TBC1D19: variants seen among roughly 807,000 people sequenced by gnomAD.
TBC1D19 encodes the protein TBC1 domain family member 19.
TBC1D19 carries 60 observed loss-of-function variants against 89.0 expected under a neutral mutation model. That is an observed-to-expected ratio of 0.67 (90% CI 0.55 to 0.84). The LOEUF (loss-of-function observed/expected upper bound fraction) is 0.84. Ranked by LOEUF, TBC1D19 falls within the 40% of genes least tolerant of loss-of-function variation. The pLI is 0.00. For synonymous variants in TBC1D19, 189 were observed against 199.7 expected (o/e 0.95, Z 0.45); for missense variants, 500 against 610.8 (o/e 0.82, Z 1.91).
At chr4:26,671,044 T>G (rs1024050722) in intron 9 of TBC1D19, among the ~76,000 whole-genome samples, 31 of 151,478 alleles carry the variant, frequency 2.0e-4, no homozygotes, top group African/African-American at 7.0e-4. Flanking sequence ...ATGTATGCAT[T>G]AGGGTTTATA....
chr4:26,819,143 C>T, the TBC1D19 span, among the ~76,000 whole-genome samples: 33 of 152,218 alleles, frequency 2.2e-4, no homozygotes, highest in Non-Finnish European at 3.7e-4. Flanking sequence ...CTAACTGGTT[C>T]CTAAAACAAA....
intron 15 of TBC1D19, among the ~76,000 whole-genome samples, chr4:26,722,830 T>C (rs1056926325): frequency 1.3e-5 from 2 of 152,188 alleles, no homozygotes; most frequent in Non-Finnish European, 1.5e-5. Context: ...AGGAAGGTAC[T>C]AATATTATCC....
chr4:26,822,972 G>A, the TBC1D19 span, among the ~76,000 whole-genome samples: 1 of 152,120 alleles, frequency 6.6e-6, no homozygotes, highest in Non-Finnish European at 1.5e-5. Flanking sequence ...GACTGACCCT[G>A]CCCAGGAGTA....
intron 13 of TBC1D19, among the ~76,000 whole-genome samples, chr4:26,715,379 G>A (rs1469667266): frequency 2.0e-5 from 3 of 151,970 alleles, no homozygotes; most frequent in Non-Finnish European, 2.9e-5. Flanking sequence ...TGGCCCTGCC[G>A]TCACAGTGTA....
intron 1 of TBC1D19, among the ~76,000 whole-genome samples, chr4:26,596,455 CGTGT>C (rs35226421): frequency 0.016 from 2,274 of 145,008 alleles, 27 homozygotes; most frequent in Middle Eastern, 0.037. Context: ...AATGGTAACT[CGTGT>C]GTGTGTGTGT....
chr4:26,641,701 T>TA (rs1382625192), intron 7 of TBC1D19, among the ~76,000 whole-genome samples: 1 of 152,146 alleles, frequency 6.6e-6, no homozygotes, highest in Non-Finnish European at 1.5e-5. Context: ...GACGAATGGC[T>TA]AACTAGAATA....
intron 1 of TBC1D19, among the ~76,000 whole-genome samples, chr4:26,594,942 A>G (rs1167944049): frequency 6.6e-6 from 1 of 152,264 alleles, no homozygotes; most frequent in Non-Finnish European, 1.5e-5. Context: ...ATCTTCAGCC[A>G]TGTTAGGTAA....
intron 13 of TBC1D19, among the ~76,000 whole-genome samples, chr4:26,710,741 A>G (rs1055857690): frequency 6.6e-6 from 1 of 152,132 alleles, no homozygotes; most frequent in East Asian, 1.9e-4. Flanking sequence ...GTGAGATGGT[A>G]TCTCATTGTG....
chr4:26,775,326 C>T, the TBC1D19 span, among the ~76,000 whole-genome samples: 5 of 152,154 alleles, frequency 3.3e-5, no homozygotes, highest in Non-Finnish European at 2.9e-5. Context: ...TAGTGGCACA[C>T]GCCTATGGTC....
At chr4:26,752,919 A>G (rs1719051450) in intron 19 of TBC1D19, among the ~76,000 whole-genome samples, 1 of 152,042 alleles carries the variant, frequency 6.6e-6, no homozygotes, top group Admixed American at 6.5e-5. Flanking sequence ...TCAGCTTCCC[A>G]GTTAGCTGGG....
the TBC1D19 span, among the ~76,000 whole-genome samples, chr4:26,829,666 C>T: frequency 6.6e-6 from 1 of 152,184 alleles, no homozygotes. Flanking sequence ...AGTGTCTAGG[C>T]TAAGCAATGA....
chr4:26,776,280 A>G, the TBC1D19 span, among the ~76,000 whole-genome samples: 2 of 151,982 alleles, frequency 1.3e-5, no homozygotes, highest in Non-Finnish European at 2.9e-5. Flanking sequence ...GCTTTCATAT[A>G]TATATAATTT....
intron 13 of TBC1D19, among the ~76,000 whole-genome samples, chr4:26,711,209 T>A (rs1329582568): frequency 6.6e-6 from 1 of 152,124 alleles, no homozygotes; most frequent in East Asian, 1.9e-4. Context: ...GCATAAGGTG[T>A]AAGGAAGGGA....
At chr4:26,757,036 C>T (rs370579579), downstream of TBC1D19, among the ~76,000 whole-genome samples, 24 of 150,080 alleles carry the variant, frequency 1.6e-4, no homozygotes, top group African/African-American at 4.4e-4. Flanking sequence ...TTTTTTTTGA[C>T]GCAGTCTGGC....
chr4:26,692,516 A>G (rs1276354198), intron 13 of TBC1D19, among the ~76,000 whole-genome samples: 2 of 152,224 alleles, frequency 1.3e-5, no homozygotes, highest in African/African-American at 4.8e-5. Context: ...ACTGTCCACA[A>G]TCCGGCTCCA....
chr4:26,765,020 T>A, the TBC1D19 span, among the ~76,000 whole-genome samples: 1 of 152,076 alleles, frequency 6.6e-6, no homozygotes, highest in African/African-American at 2.4e-5. Flanking sequence ...TGATGTTAGA[T>A]GAATCATGAG....
At chr4:26,695,494 A>G (rs1161306417) in intron 13 of TBC1D19, among the ~76,000 whole-genome samples, 1 of 152,176 alleles carries the variant, frequency 6.6e-6, no homozygotes, top group Non-Finnish European at 1.5e-5. Flanking sequence ...ATTCAAATTA[A>G]GGAAATACAG....
chr4:26,640,163 T>G lies in TBC1D19; in HGVS notation c.456T>G (p.Val152=). 1.2e-6 allele frequency: 2 copies of G among 1,609,862 alleles called. No homozygotes were observed. The highest frequency in any genetic ancestry group is 1.7e-6 in the Non-Finnish European group (2 of 1,176,858). The part of the protein sequence containing the change: ...DEPDLSLFRP[V]YAPKDFLEVL... ...TAGATTTAAGCCTTTTCAGACCTGT[T>G]TATGCACCTAAGGATTTTCTTGAGG... The change falls in exon 7 of 21, where the codon GTT becomes GTG. Residue 152 remains valine, a synonymous_variant. Coordinates refer to ENST00000264866, the MANE Select transcript of TBC1D19 (RefSeq NM_018317.4).
chr4:26,704,976 G>A (rs1399322393), intron 13 of TBC1D19, among the ~76,000 whole-genome samples: 2 of 151,888 alleles, frequency 1.3e-5, no homozygotes, highest in African/African-American at 4.8e-5. Flanking sequence ...ATGAAATGAT[G>A]TTATCTTATT....
Sources: gnomAD v4.1 joint callset for allele counts (sites outside exome capture counted in the v4.1 genomes callset) on GRCh38, gnomAD v4.1.1 for gene constraint, MANE v1.5 for transcripts, NCBI Gene and HGNC (gene_info 2026-07-23, HGNC 2026-07-21) for gene names.